The following TBC1D15 variants were observed in gnomAD, a reference collection of about 807,000 sequenced individuals.
TBC1D15 encodes the protein GAP for RAB7.
Under a neutral mutation model 95.4 loss-of-function variants are expected in TBC1D15, and 39 were observed. The ratio of observed to expected loss-of-function variants is 0.41; its 90% CI spans 0.32 to 0.53. The LOEUF (loss-of-function observed/expected upper bound fraction) is 0.53, where lower values mean the gene tolerates loss of function less well. Among genes scored for constraint, TBC1D15 ranks in the 20% least tolerant of loss-of-function variants. The pLI, the probability that TBC1D15 is intolerant of heterozygous loss-of-function variation, is 0.29. For missense variants in TBC1D15, 733 were observed against 794.3 expected, an observed-to-expected ratio of 0.92 and a Z score of 0.93; for synonymous variants, 258 against 261.3, an observed-to-expected ratio of 0.99 and a Z score of 0.12.
At chr12:71,853,948 C>G (rs564871352) in intron 1 of TBC1D15, among the ~76,000 whole-genome samples, 1 of 152,342 alleles carries the variant, frequency 6.6e-6, no homozygotes, top group African/African-American at 2.4e-5. Context: ...CAAACATGCA[C>G]TGTTCCATAC....
At position 71,885,714 on chromosome 12, in the gene TBC1D15, A is replaced by G. The variant is rs1226946896; in HGVS notation, c.554+693A>G. Among the ~76,000 whole-genome samples the G allele has an allele frequency of 5.3e-5, 8 of 152,202 alleles. No homozygotes were observed. In the East Asian group the frequency reaches 1.5e-3, roughly 29 times the overall value. On this transcript the variant is annotated intron_variant, in intron 5 of 16. Transcript: ENST00000485960. ...GTAAGCCGCTTTGGGAGTTCCTGGG[A>G]AGGAATGAGGGGCACTTAATTCAGA... is the stretch of plus-strand genomic sequence containing the variant.
chr12:71,866,705 C>T (rs557197690), intron 1 of TBC1D15, among the ~76,000 whole-genome samples: 7 of 152,296 alleles, frequency 4.6e-5, no homozygotes, highest in Admixed American at 3.9e-4. Flanking sequence ...CCTGCCTCGA[C>T]CTCTCAAAGT....
rs535246330 is a variant in TBC1D15, at chr12:71,897,733, A to G, written c.1089-114A>G. ...TTTGCTATTGTTTTTATAAACTTAC[A>G]TTCCACTAGCATCATAAATGCTTTG... On this transcript the variant is annotated intron_variant, in intron 9 of 16. Coordinates refer to ENST00000485960, the MANE Select transcript of TBC1D15 (RefSeq NM_001146213.3). 7.5e-6 allele frequency: 5 copies of G among 666,800 alleles called. No individual in the cohort carries two copies. The African/African-American group carries it at 9.3e-5, about 12-fold the overall frequency. The allele number at this position is 666,800 out of a possible 1,614,324, so 41.3% of individuals were successfully genotyped here. A position where few individuals can be genotyped will look rare whatever the true frequency, so the allele number is the denominator to read the frequency against.
intron 1 of TBC1D15, chr12:71,849,622 C>T: frequency 1.7e-6 from 1 of 598,470 alleles, no homozygotes; most frequent in Non-Finnish European, 3.1e-6. Flanking sequence ...AGCTCCTAAG[C>T]TGCATTGGAG....
intron 1 of TBC1D15, 22 bp downstream of exon 1, chr12:71,839,833 G>A (rs970589387): frequency 1.2e-6 from 2 of 1,614,146 alleles, no homozygotes; most frequent in Admixed American, 3.3e-5. Context: ...CCTCCAGGAA[G>A]ACCTCGGCTT....
rs1045924390 is a variant in TBC1D15 at position 71,849,511 on chromosome 12, A to G, written c.30+9700A>G. 1.1e-5 allele frequency: 8 copies of G among 761,036 alleles called. No individual in the cohort carries two copies. The African/African-American group carries it at 1.2e-4, about 11-fold the overall frequency. The allele number at this position is 761,036 out of a possible 1,614,324, so 47.1% of individuals were successfully genotyped here. A position where few individuals can be genotyped will look rare whatever the true frequency, so the allele number is the denominator to read the frequency against. Reference sequence around the variant, plus strand: ...ATTACTCCAAAGAGCGAAAGAGAGAAGGTTCTTATGGTCAGCTGTAGATTC... The same window carrying G: ...ATTACTCCAAAGAGCGAAAGAGAGAGGGTTCTTATGGTCAGCTGTAGATTC... On this transcript the variant is annotated intron_variant, in intron 1 of 16. Transcript: ENST00000485960.
At chr12:71,910,490 A>G (rs968461366) in intron 11 of TBC1D15, among the ~76,000 whole-genome samples, 5 of 151,930 alleles carry the variant, frequency 3.3e-5, no homozygotes, top group Non-Finnish European at 7.4e-5. Flanking sequence ...CTTCCTACCC[A>G]TGAGCATGGA....
In TBC1D15 at chr12:71,865,272, A is replaced by C. The variant is rs573815969; in HGVS notation, c.31-6798A>C. 2.0e-5 allele frequency among the ~76,000 whole-genome samples: 3 copies of C among 152,316 alleles called. No homozygotes were observed. The East Asian group carries it at 5.8e-4, about 29-fold the overall frequency. Reference sequence around the variant, plus strand: ...GATGTATGACACTGAGTCACTCTCTAGCAGCTTGGGCCCAGGGGGCTGGGT... The same window carrying C: ...GATGTATGACACTGAGTCACTCTCTCGCAGCTTGGGCCCAGGGGGCTGGGT... On this transcript the variant is annotated intron_variant, in intron 1 of 16. Coordinates refer to ENST00000485960, the MANE Select transcript of TBC1D15 (RefSeq NM_001146213.3).
chr12:71,900,502 A>G (rs1209662485), intron 10 of TBC1D15, among the ~76,000 whole-genome samples: 2 of 152,154 alleles, frequency 1.3e-5, no homozygotes, highest in East Asian at 3.9e-4. Flanking sequence ...TCTGGCATAA[A>G]TGGGTTTAAA....
At chr12:71,868,481 C>T (rs1027443074) in intron 1 of TBC1D15, among the ~76,000 whole-genome samples, 10 of 151,928 alleles carry the variant, frequency 6.6e-5, no homozygotes, top group African/African-American at 1.5e-4. Context: ...CTCCTGACCT[C>T]GTGATCCACC....
intron 5 of TBC1D15, among the ~76,000 whole-genome samples, chr12:71,892,164 A>G (rs1897294884): frequency 1.3e-5 from 2 of 151,904 alleles, no homozygotes; most frequent in Admixed American, 6.6e-5. Flanking sequence ...TTTCCCTCCT[A>G]TGTCAAATGA....
In TBC1D15 at chr12:71,885,027, T is replaced by C. The variant is rs1345730841; in HGVS notation, c.554+6T>C. On this transcript the variant is annotated splice_donor_region_variant and intron_variant, in intron 5 of 16. Coordinates refer to ENST00000485960, the MANE Select transcript of TBC1D15 (RefSeq NM_001146213.3). Reference sequence around the variant, plus strand: ...AAATATGTGGTATTGTGTGAGTAAGTATCATATTATTTTCTACTTATTGAA... The same window carrying C: ...AAATATGTGGTATTGTGTGAGTAAGCATCATATTATTTTCTACTTATTGAA... 6.2e-7 allele frequency: 1 copy of C among 1,611,804 alleles called. No individual in the cohort carries two copies. Among genetic ancestry groups the C allele is most frequent in the Non-Finnish European group, 8.5e-7 (1 of 1,178,568 alleles).
intron 10 of TBC1D15, 57 bp downstream of exon 10, chr12:71,897,998 T>C (rs73140671): frequency 0.028 from 37,438 of 1,322,112 alleles, 677 homozygotes; most frequent in Non-Finnish European, 0.033. Context: ...GAAATCTTGA[T>C]AAGAGTAAAG....
chr12:71,896,521 A>G (rs1207259021), intron 8 of TBC1D15, 156 bp from the exon 9 acceptor site: 1 of 648,056 alleles, frequency 1.5e-6, no homozygotes, highest in South Asian at 2.1e-5. Flanking sequence ...TTTTGGATCT[A>G]GAAGTAAAAA....
At chr12:71,854,682 G>A (rs567514694) in intron 1 of TBC1D15, 1 of 455,824 alleles carries the variant, frequency 2.2e-6, no homozygotes, top group South Asian at 1.6e-5. Context: ...TTTTATACCA[G>A]TTTGTAATTT....
At chr12:71,854,536 T>C in intron 1 of TBC1D15, 1 of 456,322 alleles carries the variant, frequency 2.2e-6, no homozygotes, top group Non-Finnish European at 4.4e-6. Flanking sequence ...GCATTAATTC[T>C]CTTTTCTGTT....
rs777216643 is a variant in TBC1D15 at position 71,884,794 on chromosome 12, A to G, written c.344-17A>G. On this transcript the variant is annotated splice_polypyrimidine_tract_variant and intron_variant, in intron 4 of 16. Coordinates refer to ENST00000485960, the MANE Select transcript of TBC1D15 (RefSeq NM_001146213.3). ...AAGGTGAACAAAAATATTTTGCCCC[A>G]CTTTCTTGTTTTTAAGATGCTCCAA... 5.6e-6 allele frequency: 9 copies of G among 1,613,236 alleles called. No homozygotes were observed. The highest frequency in any genetic ancestry group is 2.7e-5 in the African/African-American group (2 of 74,894).
At chr12:71,858,406 A>T (rs1368465186) in intron 1 of TBC1D15, among the ~76,000 whole-genome samples, 1 of 149,030 alleles carries the variant, frequency 6.7e-6, no homozygotes, top group Non-Finnish European at 1.5e-5. Flanking sequence ...CTGTTGATGG[A>T]CTCTTAGATT....
At chr12:71,894,465 T>G in intron 6 of TBC1D15, 2 of 1,371,280 alleles carry the variant, frequency 1.5e-6, no homozygotes, top group Non-Finnish European at 2.1e-6. Context: ...TAGCATTAAC[T>G]TGTCATTTAT....
Sources: gnomAD v4.1 joint callset for allele counts (sites outside exome capture counted in the v4.1 genomes callset) on GRCh38, gnomAD v4.1.1 for gene constraint, MANE v1.5 for transcripts, NCBI Gene and HGNC (gene_info 2026-07-23, HGNC 2026-07-21) for gene names.